Variants in PANK3 observed in about 807,000 individuals in gnomAD.
The protein encoded by PANK3 is pantothenate kinase 3, also known as hPanK3.
PANK3 carries 20 observed loss-of-function variants against 39.4 expected under a neutral mutation model. The observed-to-expected ratio is 0.51, with a 90% CI of 0.36 to 0.74. PANK3 has a LOEUF of 0.74. Ranked by LOEUF, PANK3 falls within the 30% of genes least tolerant of loss-of-function variation. The probability of loss-of-function intolerance (pLI) is 0.00; values close to 1 mark genes in which losing one functional copy is unlikely to be tolerated. For missense variants in PANK3, 265 were observed against 437.0 expected (o/e 0.61, Z 3.51); for synonymous variants, 140 against 157.3 (o/e 0.89, Z 0.82).
chr5:168,552,240 T>C lies in PANK3; in HGVS notation c.*5331A>G, dbSNP rs972775357. The stretch of plus-strand genomic sequence containing the variant: ...AAAGTTTCTTTTTAATCCTTAGAAA[T>C]TGGCTGCTCAAAGTCCAATTTTAGA... On this transcript the variant is annotated 3_prime_UTR_variant, in exon 7 of 7. Coordinates refer to ENST00000239231, the MANE Select transcript of PANK3 (RefSeq NM_024594.4). 2.0e-5 allele frequency: 3 copies of C among 152,176 alleles called. No individual in the cohort carries two copies. The highest frequency in any genetic ancestry group is 4.8e-5 in the African/African-American group (2 of 41,442). 9.4% of individuals were successfully genotyped at this position (152,176 alleles called of 1,614,324 possible).
chr5:168,575,635 A>T (rs928036095), intron 1 of PANK3, among the ~76,000 whole-genome samples: 1 of 152,128 alleles, frequency 6.6e-6, no homozygotes, highest in African/African-American at 2.4e-5. Context: ...AAAACAAAAA[A>T]ATTAGCTGGG....
At chr5:168,571,096 TG>T (rs902194089) in intron 1 of PANK3, among the ~76,000 whole-genome samples, 8 of 152,204 alleles carry the variant, frequency 5.3e-5, no homozygotes, top group Admixed American at 5.2e-4. Context: ...CAGATCTAAA[TG>T]GCATTTGAAA....
chr5:168,578,440 C>A (rs1024624456), intron 1 of PANK3, among the ~76,000 whole-genome samples: 11 of 152,190 alleles, frequency 7.2e-5, no homozygotes, highest in Non-Finnish European at 1.0e-4. Context: ...TGAATCCCCA[C>A]GTTCCTAGTC....
intron 1 of PANK3, among the ~76,000 whole-genome samples, chr5:168,578,937 T>C (rs1300550657): frequency 6.6e-6 from 1 of 152,186 alleles, no homozygotes; most frequent in Non-Finnish European, 1.5e-5. Context: ...CTTTTCAACC[T>C]GAATTCAGGG....
Position 168,569,008 on chromosome 5 carries a change from G to GAAAAAAAAAAAAAAAA in PANK3, c.29-26_29-11dup, listed in dbSNP as rs368234880. 1 of 89,182 alleles carries GAAAAAAAAAAAAAAAA rather than the reference G, an allele frequency of 1.1e-5. No homozygotes were observed. The highest frequency in any genetic ancestry group is 7.0e-5 in the African/African-American group (1 of 14,192). 5.5% of individuals were successfully genotyped at this position (89,182 alleles called of 1,614,324 possible). ...CCAAACCATGGGAAAGCTATGGGAG[G>GAAAAAAAAAAAAAAAA]AAAAAAAAAAAAAAAAAAAAAAATA... On this transcript the variant is annotated splice_polypyrimidine_tract_variant and intron_variant, in intron 1 of 6. Coordinates refer to ENST00000239231, the MANE Select transcript of PANK3 (RefSeq NM_024594.4).
chr5:168,553,727 G>A lies in PANK3; in HGVS notation c.*3844C>T. 6.5e-6 allele frequency: 1 copy of A among 154,590 alleles called. No individual in the cohort carries two copies. The highest frequency in any genetic ancestry group is 1.4e-5 in the Non-Finnish European group (1 of 69,672). The allele number at this position is 154,590 out of a possible 1,614,324, so 9.6% of individuals were successfully genotyped here. ...AATATTCAAGAAGAGCTAGGAGTGG[G>A]ATTCCAGAGACACTTCTTCCAGCCA... is the stretch of plus-strand genomic sequence containing the variant. On this transcript the variant is annotated 3_prime_UTR_variant, in exon 7 of 7. Coordinates refer to ENST00000239231, the MANE Select transcript of PANK3 (RefSeq NM_024594.4).
rs570738217 is a variant in PANK3 at position 168,553,032 on chromosome 5, G to C, written c.*4539C>G. 3.1e-6 allele frequency: 1 copy of C among 327,718 alleles called. No homozygotes were observed. The highest frequency in any genetic ancestry group is 2.9e-5 in the South Asian group (1 of 34,820). The allele number at this position is 327,718 out of a possible 1,614,324, so 20.3% of individuals were successfully genotyped here. A position where few individuals can be genotyped will look rare whatever the true frequency, so the allele number is the denominator to read the frequency against. On this transcript the variant is annotated 3_prime_UTR_variant, in exon 7 of 7. Transcript: ENST00000239231. ...CTAGATGTCCTGGGACACATCCTGA[G>C]TCCCCTACAATTGCTGAAGGATCTC...
chr5:168,573,067 G>A (rs950058122), intron 1 of PANK3, among the ~76,000 whole-genome samples: 1 of 152,134 alleles, frequency 6.6e-6, no homozygotes, highest in Non-Finnish European at 1.5e-5. Flanking sequence ...TACTAGAAAT[G>A]TGTTCGTTCC....
intron 1 of PANK3, among the ~76,000 whole-genome samples, chr5:168,574,873 G>GA (rs1759707234): frequency 6.6e-6 from 1 of 151,842 alleles, no homozygotes. Flanking sequence ...AAAAAAAAGA[G>GA]AAAAATACCA....
intron 1 of PANK3, among the ~76,000 whole-genome samples, chr5:168,574,564 A>G (rs2113035001): frequency 6.6e-6 from 1 of 152,314 alleles, no homozygotes; most frequent in East Asian, 1.9e-4. Context: ...TGAGGTAAGA[A>G]AAACACCCGT....
In PANK3 at chr5:168,569,008, G is replaced by GTAA; in HGVS notation, c.29-11_29-10insTTA. 1 of 90,202 alleles carries GTAA rather than the reference G, an allele frequency of 1.1e-5. No individual in the cohort carries two copies. The highest frequency in any genetic ancestry group is 1.8e-5 in the Non-Finnish European group (1 of 55,368). The allele number at this position is 90,202 out of a possible 1,614,324, so 5.6% of individuals were successfully genotyped here. On this transcript the variant is annotated splice_polypyrimidine_tract_variant and intron_variant, in intron 1 of 6. Transcript: ENST00000239231. ...CCAAACCATGGGAAAGCTATGGGAG[G>GTAA]AAAAAAAAAAAAAAAAAAAAAAATA...
At position 168,573,523 on chromosome 5, in the gene PANK3, T is replaced by A. The variant is rs184475224; in HGVS notation, c.29-4525A>T. On this transcript the variant is annotated intron_variant, in intron 1 of 6. Coordinates refer to ENST00000239231, the MANE Select transcript of PANK3 (RefSeq NM_024594.4). ...ACACTCCTTTGTTTAAATCTTTTTT[T>A]AAAAATTATTATTATACTTTAAGTT... Among the ~76,000 whole-genome samples, 710 of 150,906 alleles carry A rather than the reference T, an allele frequency of 4.7e-3. 2 individuals are homozygous for A. The highest frequency in any genetic ancestry group is 0.015 in the African/African-American group (634 of 41,002).
chr5:168,579,257 G>A lies in PANK3; in HGVS notation c.27C>T (p.Pro9=), dbSNP rs538254459. 2.0e-6 allele frequency: 3 copies of A among 1,499,404 alleles called. No individual in the cohort carries two copies. Among genetic ancestry groups the A allele is most frequent in the African/African-American group, 1.5e-5 (1 of 68,888 alleles). 92.9% of individuals were successfully genotyped at this position (1,499,404 alleles called of 1,614,324 possible). A position where few individuals can be genotyped will look rare whatever the true frequency, so the allele number is the denominator to read the frequency against. The change falls in exon 1 of 7, where the codon CCC becomes CCT. Residue 9 remains proline (P), a splice_region_variant and synonymous_variant. Transcript: ENST00000239231. The part of the protein sequence containing the change: MKIKDAKK[P]SFPWFGMDIG... The stretch of plus-strand genomic sequence containing the variant: ...GGCGGGCCCCAGCCCCCGTCTTACA[G>A]GGTTTCTTGGCATCTTTGATCTTCA...
intron 1 of PANK3, among the ~76,000 whole-genome samples, chr5:168,570,187 C>T (rs1759604052): frequency 6.6e-6 from 1 of 151,996 alleles, no homozygotes; most frequent in Admixed American, 6.6e-5. Context: ...TCGAGACCTT[C>T]CTGGCTAACA....
chr5:168,568,203 G>A (rs1163231706), intron 2 of PANK3, among the ~76,000 whole-genome samples: 1 of 152,178 alleles, frequency 6.6e-6, no homozygotes, highest in African/African-American at 2.4e-5. Context: ...TCATTCAGGT[G>A]TCCATTATAC....
At chr5:168,568,543 C>T in intron 2 of PANK3, 103 bp downstream of exon 2, 1 of 878,636 alleles carries the variant, frequency 1.1e-6, no homozygotes, top group South Asian at 1.7e-5. Flanking sequence ...ATACATATTT[C>T]CCACTGCATG....
rs1205106987 is a variant in PANK3, at chr5:168,556,477, C to G, written c.*1094G>C. 6.6e-6 allele frequency: 1 copy of G among 152,372 alleles called. No individual in the cohort carries two copies. The highest frequency in any genetic ancestry group is 2.4e-5 in the African/African-American group (1 of 41,442). The allele number at this position is 152,372 out of a possible 1,614,324, so 9.4% of individuals were successfully genotyped here. ...CCTAGGTTCTTACACATTTCAAACC[C>G]TTGCCAATAACAGTATTTTAGTTAT... is the stretch of plus-strand genomic sequence containing the variant. On this transcript the variant is annotated 3_prime_UTR_variant, in exon 7 of 7. Coordinates refer to ENST00000239231, the MANE Select transcript of PANK3 (RefSeq NM_024594.4).
At position 168,553,305 on chromosome 5, in the gene PANK3, C is replaced by A. The variant is rs1759300869; in HGVS notation, c.*4266G>T. The A allele has an allele frequency of 1.9e-6, 1 of 530,624 alleles. No homozygotes were observed. The allele number at this position is 530,624 out of a possible 1,614,324, so 32.9% of individuals were successfully genotyped here. A position where few individuals can be genotyped will look rare whatever the true frequency, so the allele number is the denominator to read the frequency against. ...GCGAGATCTCTCCAATGTACATGGG[C>A]ACAAAACTTGTGCAGAGTCCGCATT... is the stretch of plus-strand genomic sequence containing the variant. On this transcript the variant is annotated 3_prime_UTR_variant, in exon 7 of 7. Transcript: ENST00000239231.
In PANK3 at chr5:168,557,597, G is replaced by A. The variant is rs1759369289; in HGVS notation, c.1087C>T (p.Leu363Phe). ...HEGYFGAVGA[L>F]LGLPNFS The stretch of plus-strand genomic sequence containing the variant: ...TAGCTGAAATTTGGCAGCCCAAGAA[G>A]TGCACCAACTGCTCCAAAGTAACCC... The change falls in exon 7 of 7, where the codon CTT (leucine) becomes TTT (phenylalanine). Residue 363 changes from leucine (L) to phenylalanine (F), a missense_variant. Physicochemically the swap from Leu to Phe is conservative, Grantham distance 22 (BLOSUM62 0). Coordinates refer to ENST00000239231, the MANE Select transcript of PANK3 (RefSeq NM_024594.4). 6.2e-7 allele frequency: 1 copy of A among 1,613,960 alleles called. No individual in the cohort carries two copies. The highest frequency in any genetic ancestry group is 8.5e-7 in the Non-Finnish European group (1 of 1,179,922).
Sources: allele counts gnomAD v4.1 joint callset (sites outside exome capture counted in the v4.1 genomes callset), GRCh38; gene constraint gnomAD v4.1.1; transcripts MANE v1.5; gene names NCBI Gene and HGNC (gene_info 2026-07-23, HGNC 2026-07-21).